DLG2: variants seen among roughly 807,000 people sequenced by gnomAD.
DLG2 encodes the protein discs large MAGUK scaffold protein 2, also known as disks large homolog 2.
Under a neutral mutation model 132.5 loss-of-function variants are expected in DLG2, and 45 were observed. The ratio of observed to expected loss-of-function variants is 0.34; its 90% confidence interval spans 0.27 to 0.44. The LOEUF (loss-of-function observed/expected upper bound fraction) is 0.44. Among genes scored for constraint, DLG2 ranks in the 20% least tolerant of loss-of-function variants. The pLI, the probability that DLG2 is intolerant of heterozygous loss-of-function variation, is 1.00. For missense variants in DLG2, 1,045 were observed against 1,196.9 expected, an observed-to-expected ratio of 0.87 and a Z score of 1.87; for synonymous variants, 424 against 419.6, an observed-to-expected ratio of 1.01 and a Z score of -0.13.
intron 19 of DLG2, among the ~76,000 whole-genome samples, chr11:83,611,740 TCTTTGTCCG>T (rs1335572453): frequency 6.6e-6 from 1 of 152,222 alleles, no homozygotes; most frequent in African/African-American, 2.4e-5. Flanking sequence ...ACTATTCTCT[TCTTTGTCCG>T]CTGAAGCAGT....
chr11:85,512,747 T>C (rs900309744), intron 3 of DLG2, among the ~76,000 whole-genome samples: 3 of 152,120 alleles, frequency 2.0e-5, no homozygotes, highest in Non-Finnish European at 4.4e-5. Context: ...TTGGTGGGAA[T>C]GTAAATTAGT....
intron 6 of DLG2, among the ~76,000 whole-genome samples, chr11:84,769,277 T>A (rs939558448): frequency 6.6e-6 from 1 of 152,100 alleles, no homozygotes; most frequent in Admixed American, 6.6e-5. Flanking sequence ...AGAAGATAAA[T>A]ATCTTTAAAA....
At chr11:84,690,066 C>T (rs985608692) in intron 6 of DLG2, among the ~76,000 whole-genome samples, 1 of 151,468 alleles carries the variant, frequency 6.6e-6, no homozygotes, top group Non-Finnish European at 1.5e-5. Flanking sequence ...AAAGTTGACA[C>T]AACAGAGAAT....
intron 11 of DLG2, among the ~76,000 whole-genome samples, chr11:84,020,394 TTACA>T (rs1026335455): frequency 2.0e-5 from 3 of 152,092 alleles, no homozygotes; most frequent in Non-Finnish European, 2.9e-5. Context: ...CACTACATAC[TTACA>T]TACATACATA....
intron 6 of DLG2, among the ~76,000 whole-genome samples, chr11:84,836,997 C>T (rs895863493): frequency 6.6e-6 from 1 of 151,748 alleles, no homozygotes; most frequent in Non-Finnish European, 1.5e-5. Flanking sequence ...TCTCCTAATG[C>T]TATCCCTCCC....
chr11:84,547,536 T>G (rs1015366095), intron 6 of DLG2, among the ~76,000 whole-genome samples: 1 of 152,214 alleles, frequency 6.6e-6, no homozygotes, highest in Non-Finnish European at 1.5e-5. Flanking sequence ...CAGCTCATCC[T>G]TGCCCTTTGC....
At chr11:83,623,459 A>T (rs485199) in intron 19 of DLG2, among the ~76,000 whole-genome samples, 100,013 of 152,030 alleles carry the variant, frequency 0.66, 33,506 homozygotes, top group African/African-American at 0.78. Flanking sequence ...ACTGTCCGGA[A>T]GCAGAATTTA....
intron 6 of DLG2, among the ~76,000 whole-genome samples, chr11:84,869,675 T>C (rs2085162600): frequency 6.6e-6 from 1 of 152,154 alleles, no homozygotes; most frequent in South Asian, 2.1e-4. Context: ...ATAAATCATT[T>C]TGTATAACGA....
chr11:84,564,064 G>A (rs1373473286), intron 6 of DLG2, among the ~76,000 whole-genome samples: 1 of 152,172 alleles, frequency 6.6e-6, no homozygotes, highest in African/African-American at 2.4e-5. Flanking sequence ...TGCTTTAGAG[G>A]AAAAGAAAGA....
At chr11:83,652,361 C>T (rs546546601) in intron 18 of DLG2, among the ~76,000 whole-genome samples, 2 of 152,164 alleles carry the variant, frequency 1.3e-5, no homozygotes, top group East Asian at 3.9e-4. Context: ...ATTTGAAGTG[C>T]AGAGGTGTGG....
intron 22 of DLG2, among the ~76,000 whole-genome samples, chr11:83,479,287 C>G (rs2092895853): frequency 6.6e-6 from 1 of 151,834 alleles, no homozygotes; most frequent in South Asian, 2.1e-4. Flanking sequence ...TTTCCAAAGC[C>G]TTTCTTAAAA....
chr11:85,408,589 T>A (rs1279433186), intron 3 of DLG2, among the ~76,000 whole-genome samples: 1 of 136,230 alleles, frequency 7.3e-6, no homozygotes, highest in East Asian at 2.3e-4. Flanking sequence ...ATGTTCCCCT[T>A]CCTGTGTCCA....
At chr11:84,784,985 T>C (rs1176010534) in intron 6 of DLG2, among the ~76,000 whole-genome samples, 2 of 152,170 alleles carry the variant, frequency 1.3e-5, no homozygotes, top group Non-Finnish European at 2.9e-5. Flanking sequence ...TGTGAGGTAA[T>C]GCATATGTTA....
chr11:83,851,678 T>G (rs1414088572), intron 16 of DLG2, among the ~76,000 whole-genome samples: 2 of 149,866 alleles, frequency 1.3e-5, no homozygotes, highest in Non-Finnish European at 3.0e-5. Context: ...TCCCAGCACT[T>G]TGGGAGGTCA....
intron 22 of DLG2, among the ~76,000 whole-genome samples, chr11:83,475,984 C>T (rs1373698760): frequency 2.6e-5 from 4 of 151,984 alleles, no homozygotes; most frequent in African/African-American, 7.2e-5. Context: ...TTGTCACAGT[C>T]GCCACAAAAC....
At chr11:84,224,320 G>T (rs930790) in intron 8 of DLG2, among the ~76,000 whole-genome samples, 105,773 of 152,040 alleles carry the variant, frequency 0.7, 38,352 homozygotes, top group Middle Eastern at 0.82. Flanking sequence ...GGCTGCTTTT[G>T]TTACACTGAA....
At chr11:83,839,605 G>T (rs1234325087) in intron 16 of DLG2, among the ~76,000 whole-genome samples, 1 of 151,992 alleles carries the variant, frequency 6.6e-6, no homozygotes, top group African/African-American at 2.4e-5. Context: ...TGATGGAGAG[G>T]GAACTTAAAC....
intron 6 of DLG2, among the ~76,000 whole-genome samples, chr11:84,977,625 C>T (rs1296658623): frequency 6.6e-6 from 1 of 152,084 alleles, no homozygotes; most frequent in Admixed American, 6.6e-5. Context: ...CAAACGCTAC[C>T]CTTTTCTCAT....
At chr11:84,826,415 G>T (rs1276210974) in intron 6 of DLG2, among the ~76,000 whole-genome samples, 1 of 151,820 alleles carries the variant, frequency 6.6e-6, no homozygotes, top group Non-Finnish European at 1.5e-5. Context: ...AAGTGTAAGA[G>T]ATGGTCTAGG....
Sources: allele counts gnomAD v4.1 joint callset (sites outside exome capture counted in the v4.1 genomes callset), GRCh38; gene constraint gnomAD v4.1.1; transcripts MANE v1.5; gene names NCBI Gene and HGNC (gene_info 2026-07-23, HGNC 2026-07-21).